TMEM217: variants seen among roughly 807,000 people sequenced by gnomAD.
The protein encoded by TMEM217 is chromosome 6 open reading frame 128.
For synonymous variants in TMEM217, 76 were observed against 88.3 expected, an observed-to-expected ratio of 0.86 and a Z score of 0.78; for missense variants, 204 against 248.8, an observed-to-expected ratio of 0.82 and a Z score of 1.21.
At chr6:37,246,125 G>A (rs1394217664) in intron 1 of TMEM217, among the ~76,000 whole-genome samples, 2 of 152,156 alleles carry the variant, frequency 1.3e-5, no homozygotes, top group Non-Finnish European at 2.9e-5. Context: ...TTTCTTGACA[G>A]CTAAGTTTCT....
intron 1 of TMEM217, among the ~76,000 whole-genome samples, chr6:37,222,311 C>T (rs1038326356): frequency 1.3e-5 from 2 of 152,222 alleles, no homozygotes; most frequent in African/African-American, 4.8e-5. Context: ...CTCCCGCTGC[C>T]ATCCATGGCC....
At chr6:37,216,032 T>TGA (rs762266406), downstream of TMEM217, among the ~76,000 whole-genome samples, 760 of 138,558 alleles carry the variant, frequency 5.5e-3, 13 homozygotes, top group African/African-American at 0.016. Context: ...TGTGTGTGTG[T>TGA]GAGAAACAGA....
rs114283154 is a variant in TMEM217 at position 37,223,059 on chromosome 6, A to G, written c.-11-4018T>C. ...TAATTAGTTAACCAGGAAACAAGAT[A>G]AATCAGCAGAAATTATCCAGAATGT... On this transcript the variant is annotated intron_variant, in intron 1 of 1. Transcript: ENST00000357219. Among the ~76,000 whole-genome samples the G allele has an allele frequency of 4.8e-3, 727 of 152,350 alleles. 7 individuals are homozygous for G. Among genetic ancestry groups the G allele is most frequent in the African/African-American group, 0.016 (674 of 41,586 alleles).
At chr6:37,250,880 G>A (rs1446623894) in intron 1 of TMEM217, among the ~76,000 whole-genome samples, 2 of 152,238 alleles carry the variant, frequency 1.3e-5, no homozygotes, top group African/African-American at 2.4e-5. Flanking sequence ...GCTATGGAGT[G>A]TTTGTGTCCT....
intron 1 of TMEM217, among the ~76,000 whole-genome samples, chr6:37,250,353 G>A (rs966550942): frequency 9.2e-5 from 14 of 152,142 alleles, no homozygotes; most frequent in African/African-American, 3.1e-4. Flanking sequence ...GTGGGTACAC[G>A]AATGCAAATG....
intron 1 of TMEM217, among the ~76,000 whole-genome samples, chr6:37,225,941 CG>C (rs1763796951): frequency 6.6e-6 from 1 of 152,158 alleles, no homozygotes; most frequent in African/African-American, 2.4e-5. Flanking sequence ...CCCTATCAGC[CG>C]TGGGTCATTG....
downstream of TMEM217, chr6:37,212,725 A>C (rs984463032): frequency 1.5e-6 from 1 of 663,884 alleles, no homozygotes; most frequent in Non-Finnish European, 2.8e-6. Context: ...CCCCATGTAG[A>C]TATTCTTGTG....
intron 1 of TMEM217, among the ~76,000 whole-genome samples, chr6:37,250,258 G>A (rs1298481801): frequency 6.6e-6 from 1 of 152,212 alleles, no homozygotes; most frequent in East Asian, 1.9e-4. Context: ...ACATCTGAAA[G>A]AGAGAGAAAA....
intron 1 of TMEM217, among the ~76,000 whole-genome samples, chr6:37,221,685 A>G (rs1763533959): frequency 6.6e-6 from 1 of 152,200 alleles, no homozygotes; most frequent in Non-Finnish European, 1.5e-5. Context: ...TGGGGTGTCA[A>G]TTTTCTGGCC....
At chr6:37,218,114 T>G in exon 2 of TMEM217, 1 of 1,040,876 alleles carries the variant, frequency 9.6e-7, no homozygotes, top group Non-Finnish European at 1.2e-6. Flanking sequence ...ACCTACCTCT[T>G]ATGGGAAAGA....
chr6:37,243,595 T>C (rs1476997910), intron 1 of TMEM217, among the ~76,000 whole-genome samples: 1 of 151,758 alleles, frequency 6.6e-6, no homozygotes, highest in African/African-American at 2.4e-5. Context: ...GAGGTTAGGG[T>C]TTTGTTTTGT....
chr6:37,228,091 G>A (rs1659318193), intron 1 of TMEM217, among the ~76,000 whole-genome samples: 2 of 152,140 alleles, frequency 1.3e-5, no homozygotes, highest in South Asian at 2.1e-4. Context: ...AATGGGTGAG[G>A]TTGAGGGGTA....
chr6:37,255,271 G>A (rs979905824), intron 1 of TMEM217, among the ~76,000 whole-genome samples: 1 of 152,180 alleles, frequency 6.6e-6, no homozygotes, highest in Non-Finnish European at 1.5e-5. Context: ...GACTGGAGAG[G>A]TGAGTGGAGC....
intron 1 of TMEM217, among the ~76,000 whole-genome samples, chr6:37,247,730 TG>T (rs1583488235): frequency 6.6e-6 from 1 of 151,862 alleles, no homozygotes; most frequent in Admixed American, 6.6e-5. Context: ...CTTAATCCTG[TG>T]AAAAAAACTC....
chr6:37,242,905 T>C (rs1358653857), intron 1 of TMEM217, among the ~76,000 whole-genome samples: 3 of 152,108 alleles, frequency 2.0e-5, no homozygotes, highest in East Asian at 1.9e-4. Flanking sequence ...GTCTCTTTCA[T>C]AGGAAGTAAA....
At chr6:37,230,749 A>G (rs1176036557) in intron 1 of TMEM217, among the ~76,000 whole-genome samples, 1 of 152,196 alleles carries the variant, frequency 6.6e-6, no homozygotes, top group Admixed American at 6.5e-5. Flanking sequence ...GCCCTAGCAA[A>G]CCAATAAAGG....
exon 4 of TMEM217, chr6:37,212,482 CA>C (rs1239628195): frequency 4.4e-6 from 2 of 455,356 alleles, no homozygotes; most frequent in East Asian, 6.9e-5. Flanking sequence ...AATGGTGGAG[CA>C]GAGCCTGTGG....
At chr6:37,229,638 G>A (rs1423613833) in intron 1 of TMEM217, among the ~76,000 whole-genome samples, 1 of 152,066 alleles carries the variant, frequency 6.6e-6, no homozygotes, top group African/African-American at 2.4e-5. Flanking sequence ...CACCGCGCCG[G>A]CCAATGTGCA....
chr6:37,224,752 A>AT (rs1288169194), intron 1 of TMEM217, among the ~76,000 whole-genome samples: 5 of 152,070 alleles, frequency 3.3e-5, no homozygotes, highest in African/African-American at 1.2e-4. Context: ...CACTGTAAAT[A>AT]TTTTTCTAAA....
Sources: allele counts gnomAD v4.1 joint callset (sites outside exome capture counted in the v4.1 genomes callset), GRCh38; gene constraint gnomAD v4.1.1; transcripts MANE v1.5; gene names NCBI Gene and HGNC (gene_info 2026-07-23, HGNC 2026-07-21).